The following SPRY4 variants were observed in gnomAD, a reference collection of about 807,000 sequenced individuals.
The protein encoded by SPRY4 is protein sprouty homolog 4.
SPRY4 carries 7 observed loss-of-function variants against 17.0 expected under a neutral mutation model. The observed-to-expected ratio is 0.41, with a 90% CI of 0.23 to 0.77. The LOEUF (loss-of-function observed/expected upper bound fraction) is 0.77. Ranked by LOEUF, SPRY4 falls within the 30% of genes least tolerant of loss-of-function variation. SPRY4 has a pLI of 0.32. For synonymous variants in SPRY4, 183 were observed against 174.1 expected (o/e 1.05, Z -0.40); for missense variants, 435 against 419.9 (o/e 1.04, Z -0.31).
rs913614740 is a variant in SPRY4, at chr5:142,311,830, C to A, written c.*2379G>T. 6.6e-6 allele frequency: 1 copy of A among 152,384 alleles called. No homozygotes were observed. The highest frequency in any genetic ancestry group is 1.5e-5 in the Non-Finnish European group (1 of 68,066). 9.4% of individuals were successfully genotyped at this position (152,384 alleles called of 1,614,324 possible). On this transcript the variant is annotated 3_prime_UTR_variant, in exon 2 of 2. Coordinates refer to ENST00000434127, the MANE Select transcript of SPRY4 (RefSeq NM_001127496.3). ...AAAAAAGGAAAAAGCAAACCAAAAC[C>A]CAGAAAAATCCGTGTTTACAAGTAT...
chr5:142,314,443 G>T lies in SPRY4; in HGVS notation c.666C>A (p.His222Gln), dbSNP rs139806448. ...NEDDEGSCAD[H>Q]PCSCSRSNCC... is the part of the protein sequence containing the mutation. The stretch of plus-strand genomic sequence containing the variant: ...AGTTGGAGCGGGAGCAGGAGCAGGG[G>T]TGGTCAGCGCAGGAGCCCTCATCGT... Residue 222 changes from histidine to glutamine, a missense_variant, in exon 2 of 2, where the codon CAC becomes CAA. Coordinates refer to ENST00000434127, the MANE Select transcript of SPRY4 (RefSeq NM_001127496.3). The surrounding 1 kb of genome is among the most constrained non-coding windows in gnomAD (Gnocchi z 4.8). 17 of 1,614,148 alleles carry T rather than the reference G, an allele frequency of 1.1e-5. No homozygotes were observed. Among genetic ancestry groups the T allele is most frequent in the Non-Finnish European group, 1.3e-5 (15 of 1,180,008 alleles).
At position 142,324,983 on chromosome 5, in the gene SPRY4, C is replaced by T. The variant is rs1177315346; in HGVS notation, c.-187G>A. 1 of 152,710 alleles carries T rather than the reference C, an allele frequency of 6.5e-6. No homozygotes were observed. Among genetic ancestry groups the T allele is most frequent in the Admixed American group, 6.5e-5 (1 of 15,292 alleles). The allele number at this position is 152,710 out of a possible 1,614,324, so 9.5% of individuals were successfully genotyped here. A position where few individuals can be genotyped will look rare whatever the true frequency, so the allele number is the denominator to read the frequency against. On this transcript the variant is annotated 5_prime_UTR_variant, in exon 1 of 2. Coordinates refer to ENST00000434127, the MANE Select transcript of SPRY4 (RefSeq NM_001127496.3). ...CCTGCGCTCCACAGCGCCAGCTCCG[C>T]GCTGTCAGCTCAGCTCGCTACCTCC...
Position 142,321,645 on chromosome 5 carries a change from G to A in SPRY4, c.-48+3199C>T, listed in dbSNP as rs1330900808. 8.5e-5 allele frequency among the ~76,000 whole-genome samples: 13 copies of A among 152,330 alleles called. No homozygotes were observed. In the East Asian group the frequency reaches 2.3e-3, roughly 27 times the overall value. ...AGGCCTGGGCGAGAATCCTTAGCCA[G>A]GTTGTCATCACAAGGGAACTGCCAC... On this transcript the variant is annotated intron_variant, in intron 1 of 1. Transcript: ENST00000434127.
rs1758990120 is a variant in SPRY4 at position 142,313,201 on chromosome 5, C to A, written c.*1008G>T. The stretch of plus-strand genomic sequence containing the variant: ...TCGCCCCCAGATTTTGAAATCAGCC[C>A]TTCCTGGGGGTGGCCAAAAGGAAAC... On this transcript the variant is annotated 3_prime_UTR_variant, in exon 2 of 2. Transcript: ENST00000434127. 6.6e-6 allele frequency: 1 copy of A among 152,566 alleles called. No homozygotes were observed. The highest frequency in any genetic ancestry group is 2.1e-4 in the South Asian group (1 of 4,818). The allele number at this position is 152,566 out of a possible 1,614,324, so 9.5% of individuals were successfully genotyped here. A position where few individuals can be genotyped will look rare whatever the true frequency, so the allele number is the denominator to read the frequency against.
chr5:142,314,646 G>A lies in SPRY4; in HGVS notation c.463C>T (p.His155Tyr), dbSNP rs750979902. The A allele has an allele frequency of 1.2e-6, 2 of 1,614,228 alleles. No homozygotes were observed. Among genetic ancestry groups the A allele is most frequent in the East Asian group, 2.2e-5 (1 of 44,884 alleles). The stretch of plus-strand genomic sequence containing the variant: ...CCACAGGCCTCGCACAGCAAGAAGT[G>A]CTTGTCCAGCTCGGGTGGGACCGCC... ...GPAVPPELDK[H>Y]FLLCEACGKC... The change falls in exon 2 of 2, where the codon CAC becomes TAC. Residue 155 changes from histidine (H) to tyrosine (Y), a missense_variant. By Grantham distance (83) the His-to-Tyr change is moderately conservative. Coordinates refer to ENST00000434127, the MANE Select transcript of SPRY4 (RefSeq NM_001127496.3). The surrounding 1 kb of genome is among the most constrained non-coding windows in gnomAD (Gnocchi z 4.8).
At position 142,314,556 on chromosome 5, in the gene SPRY4, C is replaced by T; in HGVS notation, c.553G>A (p.Glu185Lys). 2 of 1,614,244 alleles carry T rather than the reference C, an allele frequency of 1.2e-6. No homozygotes were observed. ...AGAGTCTGGGCTGAGCACAGGCACT[C>T]CTGGTTGCAGACCCAGCAGGAAGGC... The part of the protein sequence containing the change: ...TLPSCWVCNQ[E>K]CLCSAQTLVN... Residue 185 changes from glutamate to lysine, a missense_variant, in exon 2 of 2, where the codon GAG (glutamate) becomes AAG (lysine). Physicochemically the swap from Glu to Lys is moderately conservative, Grantham distance 56. Coordinates refer to ENST00000434127, the MANE Select transcript of SPRY4 (RefSeq NM_001127496.3). The surrounding 1 kb of genome is among the most constrained non-coding windows in gnomAD (Gnocchi z 4.8).
In SPRY4 at chr5:142,310,695, T is replaced by C. The variant is rs1227496611; in HGVS notation, c.*3514A>G. 2.6e-5 allele frequency: 4 copies of C among 152,182 alleles called. No homozygotes were observed. The highest frequency in any genetic ancestry group is 2.6e-4 in the Admixed American group (4 of 15,244). The allele number at this position is 152,182 out of a possible 1,614,324, so 9.4% of individuals were successfully genotyped here. A position where few individuals can be genotyped will look rare whatever the true frequency, so the allele number is the denominator to read the frequency against. On this transcript the variant is annotated 3_prime_UTR_variant, in exon 2 of 2. Coordinates refer to ENST00000434127, the MANE Select transcript of SPRY4 (RefSeq NM_001127496.3). Reference sequence around the variant, plus strand: ...GGGGTGGGAGCCTCGAGCTTTTCTGTTTGTAACATGAAACCAAGCTGTGGG... The same window carrying C: ...GGGGTGGGAGCCTCGAGCTTTTCTGCTTGTAACATGAAACCAAGCTGTGGG...
intron 1 of SPRY4, chr5:142,323,898 T>C (rs1159446612): frequency 6.6e-6 from 1 of 152,172 alleles, no homozygotes; most frequent in Non-Finnish European, 1.5e-5. Context: ...ACCGTCTCTA[T>C]CCTCTTCTCT....
Position 142,314,718 on chromosome 5 carries a change from T to G in SPRY4, c.391A>C (p.Ile131Leu). The G allele has an allele frequency of 2.5e-6, 4 of 1,613,332 alleles. No individual in the cohort carries two copies. Among genetic ancestry groups the G allele is most frequent in the Middle Eastern group, 1.7e-4 (1 of 6,060 alleles). The change falls in exon 2 of 2, where the codon ATC becomes CTC. Residue 131 changes from isoleucine (I) to leucine (L), a missense_variant. Ile to Leu is a conservative substitution (Grantham distance 5). Transcript: ENST00000434127. This position sits in a 1 kb window ranked among gnomAD's most constrained non-coding sequence, Gnocchi z 4.8. ...ADQASPRAVR[I>L]QPKVVHCQPL... ...TGGCAGTGGACCACCTTGGGCTGGA[T>G]GCGCACAGCCCTTGGTGAGGCCTGG... is the stretch of plus-strand genomic sequence containing the variant.
chr5:142,318,670 G>T (rs1175166793), intron 1 of SPRY4, among the ~76,000 whole-genome samples: 1 of 152,074 alleles, frequency 6.6e-6, no homozygotes, highest in African/African-American at 2.4e-5. Flanking sequence ...ATAAATAAGA[G>T]AGAGGAGGTT....
chr5:142,317,711 A>T lies in SPRY4; in HGVS notation c.-47-2556T>A, dbSNP rs1418530648. ...GAAATGGGCAATGCTCAGAAATTTT[A>T]ATAGGCCTTGGAATCAGAAAGCAGA... On this transcript the variant is annotated intron_variant, in intron 1 of 1. Coordinates refer to ENST00000434127, the MANE Select transcript of SPRY4 (RefSeq NM_001127496.3). 6 of 984,796 alleles carry T rather than the reference A, an allele frequency of 6.1e-6. No individual in the cohort carries two copies. In the South Asian group the frequency reaches 1.9e-4, roughly 31 times the overall value. The allele number at this position is 984,796 out of a possible 1,614,324, so 61.0% of individuals were successfully genotyped here.
Position 142,313,939 on chromosome 5 carries a change from T to C in SPRY4, c.*270A>G, listed in dbSNP as rs1596862419. 2.2e-6 allele frequency: 1 copy of C among 457,758 alleles called. No homozygotes were observed. Among genetic ancestry groups the C allele is most frequent in the South Asian group, 4.1e-5 (1 of 24,528 alleles). The allele number at this position is 457,758 out of a possible 1,614,324, so 28.4% of individuals were successfully genotyped here. On this transcript the variant is annotated 3_prime_UTR_variant, in exon 2 of 2. Coordinates refer to ENST00000434127, the MANE Select transcript of SPRY4 (RefSeq NM_001127496.3). ...TTCTGTCTTCTGAAAAAGAAAAATT[T>C]CCCCCCAAACCACACCCTGCCCCTG...
At chr5:142,316,344 T>C (rs1426815947) in intron 1 of SPRY4, among the ~76,000 whole-genome samples, 2 of 152,188 alleles carry the variant, frequency 1.3e-5, no homozygotes, top group Non-Finnish European at 2.9e-5. Flanking sequence ...TGTTTTCTAT[T>C]AGAAGTGCCA....
chr5:142,318,255 TAGGC>T, intron 1 of SPRY4: 3 of 866,182 alleles, frequency 3.5e-6, no homozygotes, highest in Non-Finnish European at 4.2e-6. Context: ...GAGGCCAAGG[TAGGC>T]AGATCACTTG....
At chr5:142,319,343 A>T in intron 1 of SPRY4, among the ~76,000 whole-genome samples, 1 of 152,188 alleles carries the variant, frequency 6.6e-6, no homozygotes, top group East Asian at 1.9e-4. Flanking sequence ...AATCTCTCTC[A>T]TTCAAGGAAG....
At chr5:142,322,574 C>T (rs1373439439) in intron 1 of SPRY4, among the ~76,000 whole-genome samples, 1 of 151,928 alleles carries the variant, frequency 6.6e-6, no homozygotes, top group Admixed American at 6.6e-5. Flanking sequence ...TGTTCTGTCT[C>T]CTCCCACCAG....
Position 142,314,111 on chromosome 5 carries a change from C to G in SPRY4, c.*98G>C, listed in dbSNP as rs112369222. The G allele has an allele frequency of 5.0e-3, 6,651 of 1,337,840 alleles. 250 individuals are homozygous for G. The African/African-American group carries it at 0.082, about 17-fold the overall frequency. The allele number at this position is 1,337,840 out of a possible 1,614,324, so 82.9% of individuals were successfully genotyped here. On this transcript the variant is annotated 3_prime_UTR_variant, in exon 2 of 2. Coordinates refer to ENST00000434127, the MANE Select transcript of SPRY4 (RefSeq NM_001127496.3). The surrounding 1 kb of genome is among the most constrained non-coding windows in gnomAD (Gnocchi z 4.8). ...GGAGTGGGCAGACTAGCAAGGTCAGCCTCAGGAGGCTAAAACCTCTGACCT... is the reference window on the plus strand; with the variant it reads ...GGAGTGGGCAGACTAGCAAGGTCAGGCTCAGGAGGCTAAAACCTCTGACCT...
chr5:142,321,399 G>A (rs1759340517), intron 1 of SPRY4, among the ~76,000 whole-genome samples: 1 of 152,184 alleles, frequency 6.6e-6, no homozygotes, highest in Non-Finnish European at 1.5e-5. Context: ...CCCCTGGCTT[G>A]GTCTGGAAGG....
intron 1 of SPRY4, chr5:142,317,295 G>C: frequency 1.0e-6 from 1 of 985,436 alleles, no homozygotes; most frequent in South Asian, 4.7e-5. Context: ...ATGAGTTTGG[G>C]GCAAGAGGCC....
Sources: gnomAD v4.1 joint callset for allele counts (sites outside exome capture counted in the v4.1 genomes callset) on GRCh38, gnomAD v4.1.1 for gene constraint, Gnocchi (gnomAD v3.1) non-coding constraint, MANE v1.5 for transcripts, NCBI Gene and HGNC (gene_info 2026-07-23, HGNC 2026-07-21) for gene names.